TGFB2: variants seen among roughly 807,000 people sequenced by gnomAD.
TGFB2 encodes the protein transforming growth factor beta-2 proprotein.
A neutral mutation model predicts 42.7 loss-of-function variants in TGFB2; 13 were observed. That is an observed-to-expected ratio of 0.30 (90% confidence interval 0.20 to 0.48). The LOEUF is 0.48. Ranked by LOEUF, TGFB2 falls within the 20% of genes least tolerant of loss-of-function variation. The probability of loss-of-function intolerance (pLI) is 0.99; values close to 1 mark genes in which losing one functional copy is unlikely to be tolerated. For missense variants in TGFB2, 390 were observed against 517.5 expected, an observed-to-expected ratio of 0.75 and a Z score of 2.39; for synonymous variants, 193 against 193.6, an observed-to-expected ratio of 1.00 and a Z score of 0.03.
intron 4 of TGFB2, among the ~76,000 whole-genome samples, chr1:218,435,163 G>A (rs1454501352): frequency 6.6e-6 from 1 of 152,148 alleles, no homozygotes; most frequent in Non-Finnish European, 1.5e-5. Flanking sequence ...CACAATGCCA[G>A]GCCAGAGAAT....
chr1:218,398,062 C>T (rs1312040982), intron 1 of TGFB2, among the ~76,000 whole-genome samples: 2 of 152,232 alleles, frequency 1.3e-5, no homozygotes, highest in African/African-American at 4.8e-5. Context: ...CTAAAGCCTC[C>T]TTCTTCTTTT....
chr1:218,438,235 A>T (rs1218415081), intron 6 of TGFB2, among the ~76,000 whole-genome samples: 2 of 152,188 alleles, frequency 1.3e-5, no homozygotes, highest in Non-Finnish European at 2.9e-5. Flanking sequence ...CACCCTTTTT[A>T]GAATCAATAT....
rs532019088 is a variant in TGFB2 at position 218,373,212 on chromosome 1, A to G, written c.346+26165A>G. ...GTTTCCCAGGAGATTCTAATGTGCA[A>G]CTGGAGTTGAGAACCTGTATTTTGG... On this transcript the variant is annotated intron_variant, in intron 1 of 6. Transcript: ENST00000366930. Among the ~76,000 whole-genome samples the G allele has an allele frequency of 1.9e-3, 296 of 152,246 alleles. 1 individual carries two copies. Among genetic ancestry groups the G allele is most frequent in the Admixed American group, 6.1e-3 (94 of 15,294 alleles).
At chr1:218,430,934 C>G (rs899463729) in intron 2 of TGFB2, among the ~76,000 whole-genome samples, 3 of 152,164 alleles carry the variant, frequency 2.0e-5, no homozygotes, top group African/African-American at 7.2e-5. Flanking sequence ...GGGACTTAAT[C>G]ATAGTCTCCA....
intron 1 of TGFB2, among the ~76,000 whole-genome samples, chr1:218,399,733 G>A (rs1300667480): frequency 6.6e-6 from 1 of 152,026 alleles, no homozygotes; most frequent in African/African-American, 2.4e-5. Context: ...AACTGCCCCA[G>A]GACACTTAGC....
intron 1 of TGFB2, among the ~76,000 whole-genome samples, chr1:218,359,441 T>A (rs757953777): frequency 6.6e-6 from 1 of 152,236 alleles, no homozygotes; most frequent in Non-Finnish European, 1.5e-5. Flanking sequence ...ACTTTTCTTC[T>A]ACGTAGAATG....
intron 1 of TGFB2, among the ~76,000 whole-genome samples, chr1:218,365,200 C>G (rs1657347107): frequency 6.6e-6 from 1 of 152,078 alleles, no homozygotes; most frequent in Non-Finnish European, 1.5e-5. Context: ...AGGTCTGGCC[C>G]AGATGCCACC....
At chr1:218,398,346 C>A (rs1658593222) in intron 1 of TGFB2, among the ~76,000 whole-genome samples, 3 of 152,220 alleles carry the variant, frequency 2.0e-5, no homozygotes, top group African/African-American at 7.2e-5. Flanking sequence ...TTCTTCCTGC[C>A]AGTTTTGTGG....
chr1:218,356,848 C>T (rs61058400), intron 1 of TGFB2, among the ~76,000 whole-genome samples: 5,661 of 152,244 alleles, frequency 0.037, 235 homozygotes, highest in African/African-American at 0.1. Flanking sequence ...TGGCCACAGC[C>T]GCCTCTTAGC....
chr1:218,369,256 GAAAAAAAAAAAAAAAAAAAAAA>G lies in TGFB2; in HGVS notation c.346+22225_346+22246del, dbSNP rs34825461. On this transcript the variant is annotated intron_variant, in intron 1 of 6. Transcript: ENST00000366930. ...GGCAACAAAGCAAGATTCCGTCTCAGAAAAAAAAAAAAAAAAAAAAAAAAAAAAAAAAAAAAATGGTATGTTG... is the reference window on the plus strand; with the variant it reads ...GGCAACAAAGCAAGATTCCGTCTCAGAAAAAAAAAAAAAAATGGTATGTTG... Among the ~76,000 whole-genome samples the G allele has an allele frequency of 7.9e-4, 28 of 35,658 alleles. No homozygotes were observed. In the Admixed American group the frequency reaches 0.01, roughly 13 times the overall value. 23.4% of individuals were successfully genotyped at this position (35,658 alleles called of 152,430 possible). A position where few individuals can be genotyped will look rare whatever the true frequency, so the allele number is the denominator to read the frequency against.
chr1:218,388,961 G>T (rs1343025503), intron 1 of TGFB2, among the ~76,000 whole-genome samples: 1 of 152,122 alleles, frequency 6.6e-6, no homozygotes, highest in Non-Finnish European at 1.5e-5. Flanking sequence ...TACAGGGTTC[G>T]TTATTCCACT....
At chr1:218,372,384 T>C (rs889176774) in intron 1 of TGFB2, among the ~76,000 whole-genome samples, 3 of 152,186 alleles carry the variant, frequency 2.0e-5, no homozygotes, top group African/African-American at 7.2e-5. Context: ...TGGAGCTGAC[T>C]TCGTATGTGT....
At chr1:218,412,252 G>A (rs1659125616) in intron 2 of TGFB2, among the ~76,000 whole-genome samples, 1 of 152,230 alleles carries the variant, frequency 6.6e-6, no homozygotes, top group Non-Finnish European at 1.5e-5. Flanking sequence ...AGAATTCAGA[G>A]AAATGCCTCA....
chr1:218,402,828 C>G (rs1658773686), intron 1 of TGFB2, among the ~76,000 whole-genome samples: 1 of 152,214 alleles, frequency 6.6e-6, no homozygotes, highest in Admixed American at 6.5e-5. Flanking sequence ...TGCGGAGGCT[C>G]TGCGAAGATG....
rs1490308016 is a variant in TGFB2 at position 218,386,944 on chromosome 1, C to A, written c.347-18225C>A. On this transcript the variant is annotated intron_variant, in intron 1 of 6. Coordinates refer to ENST00000366930, the MANE Select transcript of TGFB2 (RefSeq NM_003238.6). ...TACAGAAATAAAGTGAGTCCCTGCT[C>A]TTTTGCTGTTCCCGTCTATCAAGGT... Among the ~76,000 whole-genome samples, 2 of 152,186 alleles carry A rather than the reference C, an allele frequency of 1.3e-5. 1 individual carries two copies. Among genetic ancestry groups the A allele is most frequent in the Admixed American group, 1.3e-4 (2 of 15,280 alleles).
chr1:218,419,118 A>G (rs1659372720), intron 2 of TGFB2, among the ~76,000 whole-genome samples: 1 of 152,184 alleles, frequency 6.6e-6, no homozygotes, highest in African/African-American at 2.4e-5. Flanking sequence ...GTAGAAGCCA[A>G]GTCCTTACCA....
At chr1:218,383,202 G>C (rs985827806) in intron 1 of TGFB2, among the ~76,000 whole-genome samples, 1 of 152,210 alleles carries the variant, frequency 6.6e-6, no homozygotes, top group Non-Finnish European at 1.5e-5. Context: ...CAAGGCCCTA[G>C]GACTGGATTT....
chr1:218,365,096 C>T lies in TGFB2; in HGVS notation c.346+18049C>T, dbSNP rs114650749. Reference sequence around the variant, plus strand: ...GGTTGGTCAGGGAGGGCCAGAATGACGATCCCCATTTTTTAGGAAATCGTG... The same window carrying T: ...GGTTGGTCAGGGAGGGCCAGAATGATGATCCCCATTTTTTAGGAAATCGTG... On this transcript the variant is annotated intron_variant, in intron 1 of 6. Coordinates refer to ENST00000366930, the MANE Select transcript of TGFB2 (RefSeq NM_003238.6). Among the ~76,000 whole-genome samples, 647 of 152,216 alleles carry T rather than the reference C, an allele frequency of 4.3e-3. 4 individuals are homozygous for T. The highest frequency in any genetic ancestry group is 0.014 in the African/African-American group (590 of 41,544).
chr1:218,356,372 A>G (rs528296716), intron 1 of TGFB2, among the ~76,000 whole-genome samples: 4 of 151,838 alleles, frequency 2.6e-5, no homozygotes, highest in Admixed American at 6.6e-5. Flanking sequence ...ATGCACCACC[A>G]TGCCTGGCTA....
Sources: gnomAD v4.1 joint callset for allele counts (sites outside exome capture counted in the v4.1 genomes callset) on GRCh38, gnomAD v4.1.1 for gene constraint, MANE v1.5 for transcripts, NCBI Gene and HGNC (gene_info 2026-07-23, HGNC 2026-07-21) for gene names.